Variants in LPAR1 observed in about 807,000 individuals in gnomAD.
The protein encoded by LPAR1 is lysophosphatidic acid receptor 1.
In LPAR1, 5 loss-of-function variants were observed where a neutral mutation model predicts 23.8. The observed-to-expected ratio is 0.21, with a 90% CI of 0.11 to 0.44. LPAR1 has a LOEUF of 0.44. Among genes scored for constraint, LPAR1 ranks in the 20% least tolerant of loss-of-function variants. LPAR1 has a pLI of 0.99. For synonymous variants in LPAR1, 160 were observed against 164.7 expected (o/e 0.97, Z 0.22); for missense variants, 311 against 482.8 (o/e 0.64, Z 3.33).
chr9:110,923,285 T>G (rs1564475303), intron 5 of LPAR1, among the ~76,000 whole-genome samples: 1 of 152,242 alleles, frequency 6.6e-6, no homozygotes, highest in Non-Finnish European at 1.5e-5. Context: ...TGGCATCTTA[T>G]ACAGACGGTC....
At position 110,941,483 on chromosome 9, in the gene LPAR1, G is replaced by A; in HGVS notation, c.731C>T (p.Ser244Phe). The change falls in exon 5 of 6, where the codon TCT (serine) becomes TTT (phenylalanine). Residue 244 changes from serine to phenylalanine, a missense_variant. Ser to Phe is a radical substitution (Grantham distance 155, BLOSUM62 -2). Coordinates refer to ENST00000683809, the MANE Select transcript of LPAR1 (RefSeq NM_001351411.2). The surrounding 1 kb of genome is among the most constrained non-coding windows in gnomAD (Gnocchi z 6.1). ...QRTMRMSRHS[S>F]GPRRNRDTMM... The stretch of plus-strand genomic sequence containing the variant: ...GGTATCCCGATTCCGCCGGGGTCCA[G>A]AACTATGCCGAGACATTCTCATAGT... The A allele has an allele frequency of 6.2e-7, 1 of 1,614,080 alleles. No individual in the cohort carries two copies.
intron 2 of LPAR1, among the ~76,000 whole-genome samples, chr9:111,020,405 G>A (rs561859693): frequency 1.3e-5 from 2 of 152,196 alleles, no homozygotes; most frequent in Non-Finnish European, 2.9e-5. Flanking sequence ...TTGTCCCAAG[G>A]TCATGGTGAC....
chr9:110,895,573 C>T (rs1451880311), intron 5 of LPAR1, among the ~76,000 whole-genome samples: 1 of 152,186 alleles, frequency 6.6e-6, no homozygotes, highest in Non-Finnish European at 1.5e-5. Context: ...AGGGAGGGAA[C>T]TCTTTAGGGA....
At chr9:110,920,488 T>C (rs1180346028) in intron 5 of LPAR1, among the ~76,000 whole-genome samples, 1 of 152,232 alleles carries the variant, frequency 6.6e-6, no homozygotes, top group African/African-American at 2.4e-5. Context: ...AATACTTATA[T>C]ATACTAGACA....
At chr9:110,975,822 A>C (rs2096542284) in intron 2 of LPAR1, among the ~76,000 whole-genome samples, 1 of 152,184 alleles carries the variant, frequency 6.6e-6, no homozygotes. Context: ...TAAGACAGAA[A>C]ATTAACTGCC....
chr9:110,912,707 T>A (rs937900124), intron 5 of LPAR1, among the ~76,000 whole-genome samples: 3 of 152,136 alleles, frequency 2.0e-5, no homozygotes, highest in African/African-American at 7.2e-5. Flanking sequence ...GGAGACAGCG[T>A]CTCCATATTA....
intron 5 of LPAR1, among the ~76,000 whole-genome samples, chr9:110,883,317 T>C (rs1385979462): frequency 6.6e-6 from 1 of 152,214 alleles, no homozygotes; most frequent in Non-Finnish European, 1.5e-5. Context: ...AATATAGCCA[T>C]GAGCCACCGT....
rs536117223 is a variant in LPAR1, at chr9:110,885,067, AT to A, written c.794-9346del. 2.8e-3 allele frequency among the ~76,000 whole-genome samples: 430 copies of A among 152,222 alleles called. 1 individual carries two copies. The highest frequency in any genetic ancestry group is 9.7e-3 in the African/African-American group (405 of 41,544). ...TGGATAAAGGAGGGCAGGCGATCAG[AT>A]TTTTTTATTTTCAGGAACACTGTTC... is the stretch of plus-strand genomic sequence containing the variant. On this transcript the variant is annotated intron_variant, in intron 5 of 5. Coordinates refer to ENST00000683809, the MANE Select transcript of LPAR1 (RefSeq NM_001351411.2).
chr9:110,914,326 A>T (rs962131039), intron 5 of LPAR1, among the ~76,000 whole-genome samples: 2 of 152,230 alleles, frequency 1.3e-5, no homozygotes, highest in Non-Finnish European at 2.9e-5. Context: ...GGGAGGCCTC[A>T]CAATCATGGT....
chr9:110,876,993 C>G (rs1025856811), intron 5 of LPAR1, among the ~76,000 whole-genome samples: 6 of 152,078 alleles, frequency 3.9e-5, no homozygotes, highest in Non-Finnish European at 8.8e-5. Flanking sequence ...CTAATGGGCC[C>G]CATATGTGTA....
intron 5 of LPAR1, among the ~76,000 whole-genome samples, chr9:110,926,529 A>G (rs2094045848): frequency 6.6e-6 from 1 of 152,202 alleles, no homozygotes; most frequent in East Asian, 1.9e-4. Flanking sequence ...TTAGTAGATC[A>G]GGTGATTTTC....
Position 111,036,358 on chromosome 9 carries a change from T to C in LPAR1, c.-261-157A>G, listed in dbSNP as rs1175069389. On this transcript the variant is annotated intron_variant, in intron 1 of 5. Coordinates refer to ENST00000683809, the MANE Select transcript of LPAR1 (RefSeq NM_001351411.2). ...TTGATCTGAGGTGGGGGAAGTATTA[T>C]TGAGTCCCTTGAGGAAAGGAAAAAA... 8.6e-5 allele frequency among the ~76,000 whole-genome samples: 13 copies of C among 151,488 alleles called. No homozygotes were observed. In the East Asian group the frequency reaches 1.7e-3, roughly 20 times the overall value.
chr9:110,953,943 T>C (rs2095651732), intron 4 of LPAR1, among the ~76,000 whole-genome samples: 1 of 152,042 alleles, frequency 6.6e-6, no homozygotes, highest in Non-Finnish European at 1.5e-5. Context: ...CAATAATTCT[T>C]CAGCAATAGA....
intron 5 of LPAR1, among the ~76,000 whole-genome samples, chr9:110,923,301 C>CCG (rs1319603598): frequency 1.3e-5 from 2 of 152,190 alleles, no homozygotes; most frequent in Admixed American, 6.5e-5. Context: ...CGGTCCCTGA[C>CCG]TTACAATGGT....
At chr9:110,942,268 A>G in intron 4 of LPAR1, 100 bp from the exon 5 acceptor site, 1 of 978,976 alleles carries the variant, frequency 1.0e-6, no homozygotes. Flanking sequence ...TGCAACAGAA[A>G]AACAAAAGCA....
intron 5 of LPAR1, among the ~76,000 whole-genome samples, chr9:110,918,619 T>A (rs932390630): frequency 2.6e-5 from 4 of 151,950 alleles, no homozygotes; most frequent in Non-Finnish European, 1.5e-5. Flanking sequence ...ATGCAGCATT[T>A]CAAAAACAAA....
At chr9:110,983,604 C>T (rs1037972241) in intron 2 of LPAR1, among the ~76,000 whole-genome samples, 2 of 151,966 alleles carry the variant, frequency 1.3e-5, no homozygotes, top group African/African-American at 4.8e-5. Context: ...CTTAACACTA[C>T]TGAACTGTAC....
intron 5 of LPAR1, among the ~76,000 whole-genome samples, chr9:110,906,079 A>G (rs1437893341): frequency 6.6e-6 from 1 of 152,224 alleles, no homozygotes; most frequent in Non-Finnish European, 1.5e-5. Context: ...AACAAAGTAA[A>G]ACATTTCAAG....
chr9:110,890,992 C>T (rs377562665), intron 5 of LPAR1, among the ~76,000 whole-genome samples: 11 of 152,078 alleles, frequency 7.2e-5, no homozygotes, highest in South Asian at 2.1e-4. Context: ...TATTTAACAA[C>T]GATATACTAG....
Sources: allele counts gnomAD v4.1 joint callset (sites outside exome capture counted in the v4.1 genomes callset), GRCh38; gene constraint gnomAD v4.1.1; non-coding constraint Gnocchi (gnomAD v3.1); transcripts MANE v1.5; gene names NCBI Gene and HGNC (gene_info 2026-07-23, HGNC 2026-07-21).